RIMS2: variants seen among roughly 807,000 people sequenced by gnomAD.
RIMS2 encodes regulating synaptic membrane exocytosis protein 2.
Under a neutral mutation model 174.4 loss-of-function variants are expected in RIMS2, and 59 were observed. The observed-to-expected ratio is 0.34, with a 90% CI of 0.27 to 0.42. The LOEUF (loss-of-function observed/expected upper bound fraction) is 0.42. Ranked by LOEUF, RIMS2 falls within the 10% of genes least tolerant of loss-of-function variation. RIMS2 has a pLI of 1.00. For synonymous variants in RIMS2, 606 were observed against 572.5 expected (o/e 1.06, Z -0.84); for missense variants, 1,620 against 1,666.3 (o/e 0.97, Z 0.48).
chr8:104,004,637 C>A (rs146225008), intron 17 of RIMS2, among the ~76,000 whole-genome samples: 1 of 152,012 alleles, frequency 6.6e-6, no homozygotes, highest in Non-Finnish European at 1.5e-5. Flanking sequence ...TCTTTCCCTT[C>A]GAGTAAGAAA....
chr8:103,667,064 G>C (rs2096679858), intron 1 of RIMS2, among the ~76,000 whole-genome samples: 1 of 152,152 alleles, frequency 6.6e-6, no homozygotes, highest in African/African-American at 2.4e-5. Flanking sequence ...TTTGGAGTAT[G>C]CCTTAGCTGG....
At chr8:103,960,291 C>A (rs935937900) in intron 14 of RIMS2, among the ~76,000 whole-genome samples, 2 of 152,100 alleles carry the variant, frequency 1.3e-5, no homozygotes, top group Non-Finnish European at 2.9e-5. Flanking sequence ...GCTATTTTTG[C>A]CACAGTAAGA....
chr8:103,686,278 T>C (rs1356812687), intron 1 of RIMS2, among the ~76,000 whole-genome samples: 7 of 152,160 alleles, frequency 4.6e-5, no homozygotes, highest in African/African-American at 7.2e-5. Context: ...CAACTGCAAA[T>C]AGTTTTCTAT....
At chr8:103,554,416 C>T (rs757882134) in intron 1 of RIMS2, among the ~76,000 whole-genome samples, 20 of 151,984 alleles carry the variant, frequency 1.3e-4, no homozygotes, top group Non-Finnish European at 2.1e-4. Flanking sequence ...ATGACATATA[C>T]GCGGCCAACA....
intron 2 of RIMS2, among the ~76,000 whole-genome samples, chr8:103,721,315 G>A (rs1047047777): frequency 6.6e-6 from 1 of 152,092 alleles, no homozygotes; most frequent in Non-Finnish European, 1.5e-5. Flanking sequence ...TATAAATTAT[G>A]CAGTCTCAGG....
At chr8:104,128,712 T>TA (rs572095604) in intron 19 of RIMS2, among the ~76,000 whole-genome samples, 80 of 152,026 alleles carry the variant, frequency 5.3e-4, no homozygotes, top group South Asian at 1.2e-3. Flanking sequence ...AAATAAAAAA[T>TA]AAAAAATCTA....
chr8:104,071,740 C>T (rs536915637), intron 19 of RIMS2, among the ~76,000 whole-genome samples: 1 of 152,156 alleles, frequency 6.6e-6, no homozygotes, highest in East Asian at 1.9e-4. Flanking sequence ...CCGGCCGGGT[C>T]CCTGTGTTTT....
At chr8:103,988,547 C>T (rs1160070466) in intron 16 of RIMS2, among the ~76,000 whole-genome samples, 1 of 152,174 alleles carries the variant, frequency 6.6e-6, no homozygotes, top group Non-Finnish European at 1.5e-5. Flanking sequence ...GCAGCCTCCA[C>T]CTCCCGGGTT....
intron 17 of RIMS2, among the ~76,000 whole-genome samples, chr8:103,992,285 T>A (rs2154550783): frequency 6.7e-6 from 1 of 149,202 alleles, no homozygotes; most frequent in East Asian, 1.9e-4. Flanking sequence ...TTTTTTTTTT[T>A]TTTTTTTTTT....
chr8:103,652,619 A>T lies in RIMS2; in HGVS notation c.177-44467A>T. The T allele has an allele frequency of 1.5e-6, 2 of 1,337,188 alleles. No homozygotes were observed. Among genetic ancestry groups the T allele is most frequent in the Non-Finnish European group, 2.0e-6 (2 of 1,009,874 alleles). The allele number at this position is 1,337,188 out of a possible 1,614,324, so 82.8% of individuals were successfully genotyped here. On this transcript the variant is annotated intron_variant, in intron 1 of 23. Transcript: ENST00000504942. ...TTCAGTCACATTATTTGCTTATTTAAACAGGTGGTTTCCCTTTAGTGGAAT... is the reference window on the plus strand; with the variant it reads ...TTCAGTCACATTATTTGCTTATTTATACAGGTGGTTTCCCTTTAGTGGAAT...
exon 21 of RIMS2, chr8:104,248,713 T>G: frequency 6.2e-7 from 1 of 1,600,266 alleles, no homozygotes; most frequent in East Asian, 2.2e-5. Flanking sequence ...TGATTTTCCC[T>G]GGTGTTCGCT....
At chr8:103,709,851 T>A (rs2097282503) in intron 2 of RIMS2, among the ~76,000 whole-genome samples, 1 of 152,136 alleles carries the variant, frequency 6.6e-6, no homozygotes, top group African/African-American at 2.4e-5. Flanking sequence ...GGATGGTTTA[T>A]GGAAGAAGGA....
chr8:104,076,941 C>T (rs59495191), intron 19 of RIMS2, among the ~76,000 whole-genome samples: 35,610 of 151,700 alleles, frequency 0.23, 4,482 homozygotes, highest in African/African-American at 0.33. Context: ...CTCAGCCTCC[C>T]GAGTAACTGG....
Position 103,773,729 on chromosome 8 carries a change from T to TA in RIMS2, c.698+7199dup, listed in dbSNP as rs552802532. On this transcript the variant is annotated intron_variant, in intron 3 of 23. Coordinates refer to ENST00000504942, the Ensembl canonical transcript of RIMS2. ...TGGGCGACAAGAGCAAAACTCCATCTAAAAAAACAAAACAAATCTATAAGG... is the reference window on the plus strand; with the variant it reads ...TGGGCGACAAGAGCAAAACTCCATCTAAAAAAAACAAAACAAATCTATAAGG... 1.8e-3 allele frequency among the ~76,000 whole-genome samples: 269 copies of TA among 150,894 alleles called. 3 individuals carry two copies. Among genetic ancestry groups the TA allele is most frequent in the African/African-American group, 6.2e-3 (255 of 41,080 alleles).
At chr8:103,816,235 A>T (rs2154468835) in intron 3 of RIMS2, among the ~76,000 whole-genome samples, 1 of 152,342 alleles carries the variant, frequency 6.6e-6, no homozygotes, top group Non-Finnish European at 1.5e-5. Context: ...TGGCAGGCTA[A>T]AAATAAACAA....
chr8:104,173,990 A>G (rs2098849583), intron 19 of RIMS2, among the ~76,000 whole-genome samples: 2 of 151,566 alleles, frequency 1.3e-5, no homozygotes, highest in Admixed American at 6.6e-5. Context: ...CTCGTCACCC[A>G]GGCTGGAGAG....
chr8:103,790,801 G>T (rs1218502800), intron 3 of RIMS2, among the ~76,000 whole-genome samples: 1 of 152,086 alleles, frequency 6.6e-6, no homozygotes, highest in South Asian at 2.1e-4. Flanking sequence ...ACATATTTCT[G>T]TTATTGTAAT....
intron 19 of RIMS2, among the ~76,000 whole-genome samples, chr8:104,161,324 A>G (rs546292402): frequency 6.6e-6 from 1 of 152,274 alleles, no homozygotes; most frequent in Admixed American, 6.5e-5. Context: ...CATTTTGGAC[A>G]TGGGAAATAT....
chr8:104,110,947 T>G (rs777125820), intron 19 of RIMS2, among the ~76,000 whole-genome samples: 9 of 152,190 alleles, frequency 5.9e-5, no homozygotes, highest in Non-Finnish European at 8.8e-5. Flanking sequence ...TTAAAACTCA[T>G]TGACATGCTT....
Sources: gnomAD v4.1 joint callset for allele counts (sites outside exome capture counted in the v4.1 genomes callset) on GRCh38, gnomAD v4.1.1 for gene constraint, MANE v1.5 for transcripts, NCBI Gene and HGNC (gene_info 2026-07-23, HGNC 2026-07-21) for gene names.